Variants in FNBP1L observed in about 807,000 individuals in gnomAD.
The protein encoded by FNBP1L is formin binding protein 1 like.
A neutral mutation model predicts 91.2 loss-of-function variants in FNBP1L; 36 were observed. That is an observed-to-expected ratio of 0.39 (90% CI 0.30 to 0.52). FNBP1L has a LOEUF of 0.52. Ranked by LOEUF, FNBP1L falls within the 20% of genes least tolerant of loss-of-function variation. The pLI is 0.66. For synonymous variants in FNBP1L, 242 were observed against 237.0 expected, an observed-to-expected ratio of 1.02 and a Z score of -0.19; for missense variants, 571 against 732.1, an observed-to-expected ratio of 0.78 and a Z score of 2.54.
At chr1:93,519,725 G>A (rs745686153) in intron 2 of FNBP1L, among the ~76,000 whole-genome samples, 3 of 152,160 alleles carry the variant, frequency 2.0e-5, no homozygotes, top group South Asian at 2.1e-4. Flanking sequence ...CAAGGCAGGC[G>A]GATCACTTGA....
intron 1 of FNBP1L, among the ~76,000 whole-genome samples, chr1:93,460,620 C>T (rs1668829461): frequency 6.6e-6 from 1 of 152,184 alleles, no homozygotes; most frequent in Non-Finnish European, 1.5e-5. Context: ...GAAATCCGGT[C>T]ATTTACGATA....
At chr1:93,510,820 G>A (rs950118092) in intron 2 of FNBP1L, among the ~76,000 whole-genome samples, 1 of 152,142 alleles carries the variant, frequency 6.6e-6, no homozygotes, top group Non-Finnish European at 1.5e-5. Context: ...AGAAGCCTCA[G>A]GAGCCGATGG....
At chr1:93,458,114 G>A (rs1005682162) in intron 1 of FNBP1L, among the ~76,000 whole-genome samples, 1 of 147,382 alleles carries the variant, frequency 6.8e-6, no homozygotes, top group African/African-American at 2.7e-5. Context: ...CTTATATTAA[G>A]TTTTTAATTT....
chr1:93,519,182 T>C (rs1671232794), intron 2 of FNBP1L, among the ~76,000 whole-genome samples: 3 of 152,226 alleles, frequency 2.0e-5, no homozygotes, highest in African/African-American at 7.2e-5. Context: ...GTCAAGAGTA[T>C]TTATTCAGAG....
chr1:93,449,400 T>A (rs778126225), intron 1 of FNBP1L, among the ~76,000 whole-genome samples: 6 of 152,150 alleles, frequency 3.9e-5, no homozygotes, highest in Non-Finnish European at 7.4e-5. Context: ...TTTCCGTGCC[T>A]TTTGTTCGCG....
intron 2 of FNBP1L, among the ~76,000 whole-genome samples, chr1:93,520,644 A>G (rs1570839966): frequency 1.3e-5 from 2 of 152,282 alleles, no homozygotes; most frequent in East Asian, 3.9e-4. Context: ...AAAGCACTTT[A>G]TATCATTTAT....
chr1:93,543,443 CA>C (rs1318137968), intron 11 of FNBP1L, among the ~76,000 whole-genome samples: 3 of 152,062 alleles, frequency 2.0e-5, no homozygotes, highest in African/African-American at 7.2e-5. Flanking sequence ...ATTTGGTTTA[CA>C]AAAGGTTAAT....
At chr1:93,454,825 A>G (rs1425822736) in intron 1 of FNBP1L, among the ~76,000 whole-genome samples, 1 of 152,234 alleles carries the variant, frequency 6.6e-6, no homozygotes, top group Non-Finnish European at 1.5e-5. Flanking sequence ...TGTATTAGGT[A>G]TAAGCAGTCT....
intron 2 of FNBP1L, among the ~76,000 whole-genome samples, chr1:93,505,735 G>C (rs972070681): frequency 3.3e-5 from 5 of 152,128 alleles, no homozygotes; most frequent in African/African-American, 1.2e-4. Context: ...AATTAGATGG[G>C]GAGGAAAGTC....
chr1:93,538,726 G>A (rs1671928241), intron 10 of FNBP1L, among the ~76,000 whole-genome samples: 1 of 152,040 alleles, frequency 6.6e-6, no homozygotes, highest in Admixed American at 6.6e-5. Flanking sequence ...AGTCTATTAA[G>A]ATTACAAAAT....
At chr1:93,507,700 G>T (rs1160499838) in intron 2 of FNBP1L, among the ~76,000 whole-genome samples, 1 of 152,122 alleles carries the variant, frequency 6.6e-6, no homozygotes, top group Non-Finnish European at 1.5e-5. Flanking sequence ...CCAGGCTGGA[G>T]TGAAGTGGTG....
chr1:93,551,646 T>C lies in FNBP1L; in HGVS notation c.1810+541T>C. 6.1e-6 allele frequency: 6 copies of C among 984,920 alleles called. No homozygotes were observed. In the South Asian group the frequency reaches 2.8e-4, roughly 46 times the overall value. 61.0% of individuals were successfully genotyped at this position (984,920 alleles called of 1,614,324 possible). ...ATAACATCATTTTCATTTTCTTACC[T>C]ATTCTTAACTTTGGTTTCCTAAAGG... On this transcript the variant is annotated intron_variant, in intron 16 of 16. Transcript: ENST00000271234.
intron 1 of FNBP1L, among the ~76,000 whole-genome samples, chr1:93,496,877 A>G (rs144082532): frequency 2.1e-4 from 32 of 152,272 alleles, no homozygotes; most frequent in African/African-American, 5.1e-4. Context: ...AACATCCAGA[A>G]TAATGTTCGA....
At chr1:93,482,224 A>G (rs1202381283) in intron 1 of FNBP1L, among the ~76,000 whole-genome samples, 1 of 152,084 alleles carries the variant, frequency 6.6e-6, no homozygotes, top group Non-Finnish European at 1.5e-5. Flanking sequence ...ACAACCCAAA[A>G]AATTTTTTTG....
intron 1 of FNBP1L, among the ~76,000 whole-genome samples, chr1:93,483,893 G>T (rs895002683): frequency 1.3e-5 from 2 of 152,186 alleles, no homozygotes; most frequent in African/African-American, 4.8e-5. Flanking sequence ...CAAGACATCT[G>T]CATCATTGAT....
rs553454267 is a variant in FNBP1L at position 93,478,872 on chromosome 1, C to T, written c.25-20596C>T. 2.6e-4 allele frequency among the ~76,000 whole-genome samples: 40 copies of T among 152,260 alleles called. No individual in the cohort carries two copies. In the South Asian group the frequency reaches 3.9e-3, roughly 15 times the overall value. ...AGGTAAATGTTTGGTAAGTTTAATT[C>T]GGACTCAGGTCTTCTTTAATTCACA... On this transcript the variant is annotated intron_variant, in intron 1 of 16. Coordinates refer to ENST00000271234, the MANE Select transcript of FNBP1L (RefSeq NM_001164473.3).
chr1:93,538,919 T>C (rs1671935972), intron 10 of FNBP1L, among the ~76,000 whole-genome samples: 1 of 152,060 alleles, frequency 6.6e-6, no homozygotes, highest in Non-Finnish European at 1.5e-5. Flanking sequence ...ATTAAGGATA[T>C]GAAAAATGTT....
chr1:93,487,056 C>G (rs1669935280), intron 1 of FNBP1L, among the ~76,000 whole-genome samples: 1 of 152,282 alleles, frequency 6.6e-6, no homozygotes, highest in African/African-American at 2.4e-5. Flanking sequence ...CAGTCAGGCT[C>G]TTACCCTCAT....
At position 93,536,410 on chromosome 1, in the gene FNBP1L, A is replaced by T; in HGVS notation, c.1069A>T (p.Ile357Phe). 1 of 1,550,856 alleles carries T rather than the reference A, an allele frequency of 6.4e-7. No homozygotes were observed. Among genetic ancestry groups the T allele is most frequent in the Non-Finnish European group, 8.7e-7 (1 of 1,146,352 alleles). Residue 357 changes from isoleucine to phenylalanine, a missense_variant, in exon 10 of 17, where the codon ATT becomes TTT. Around this residue, in one of 5 missense-constraint regions of FNBP1L, gnomAD observed 150 missense variants for 155.9 expected, o/e 0.96. Coordinates refer to ENST00000271234, the MANE Select transcript of FNBP1L (RefSeq NM_001164473.3). ...TGGGTCCCAGTTTCTCACATTCTCCATTGAGCCCGTGCATTATTGTATGAA... is the reference window on the plus strand; with the variant it reads ...TGGGTCCCAGTTTCTCACATTCTCCTTTGAGCCCGTGCATTATTGTATGAA... ...PNGSQFLTFS[I>F]EPVHYCMNEI... is the part of the protein sequence containing the mutation.
Sources: allele counts gnomAD v4.1 joint callset (sites outside exome capture counted in the v4.1 genomes callset), GRCh38; gene constraint gnomAD v4.1.1; regional missense constraint gnomAD v4.1.1; transcripts MANE v1.5; gene names NCBI Gene and HGNC (gene_info 2026-07-23, HGNC 2026-07-21).